ESR1: variants seen among roughly 807,000 people sequenced by gnomAD.
The protein encoded by ESR1 is estrogen receptor 1.
ESR1 carries 12 observed loss-of-function variants against 52.7 expected under a neutral mutation model. The observed-to-expected ratio is 0.23, with a 90% CI of 0.15 to 0.37. The LOEUF is 0.37. ESR1 is among the 10% of genes least tolerant of loss of function. ESR1 has a pLI of 1.00. For synonymous variants in ESR1, 305 were observed against 316.8 expected, an observed-to-expected ratio of 0.96 and a Z score of 0.39; for missense variants, 584 against 779.7, an observed-to-expected ratio of 0.75 and a Z score of 2.99.
At chr6:151,682,091 T>A (rs1778481988) in intron 1 of ESR1, among the ~76,000 whole-genome samples, 1 of 152,250 alleles carries the variant, frequency 6.6e-6, no homozygotes, top group Admixed American at 6.5e-5. Context: ...TGCTTTAGTA[T>A]TCAACCTTTT....
chr6:152,050,644 G>A (rs1368079044), intron 5 of ESR1, among the ~76,000 whole-genome samples: 1 of 152,184 alleles, frequency 6.6e-6, no homozygotes, highest in Non-Finnish European at 1.5e-5. Flanking sequence ...AAGGCCATTA[G>A]CTTTGCATGT....
At chr6:152,082,528 A>T (rs1408581520) in intron 6 of ESR1, among the ~76,000 whole-genome samples, 2 of 152,240 alleles carry the variant, frequency 1.3e-5, no homozygotes, top group African/African-American at 4.8e-5. Context: ...CAAAACCTGG[A>T]AGCATTCCTT....
chr6:151,943,905 A>G (rs930971722), intron 3 of ESR1, among the ~76,000 whole-genome samples: 2 of 152,174 alleles, frequency 1.3e-5, no homozygotes, highest in African/African-American at 4.8e-5. Flanking sequence ...GATGTCAGAC[A>G]AGTGGCCTGA....
rs374448990 is a variant in ESR1, at chr6:151,991,821, C to T, written c.1097-19835C>T. Among the ~76,000 whole-genome samples the T allele has an allele frequency of 2.0e-5, 3 of 152,156 alleles. No homozygotes were observed. In the East Asian group the frequency reaches 5.8e-4, roughly 29 times the overall value. On this transcript the variant is annotated intron_variant, in intron 4 of 7. Transcript: ENST00000206249. ...CCCCACACAAACCCTGAGCTTTCTT[C>T]CCCTCCAGGCTGCTCCATCAGTCAG...
At chr6:151,677,141 G>T (rs548806471) in intron 1 of ESR1, among the ~76,000 whole-genome samples, 2 of 152,296 alleles carry the variant, frequency 1.3e-5, no homozygotes, top group Non-Finnish European at 2.9e-5. Context: ...ACCAAGCTGA[G>T]CAAGAAGAAA....
intron 3 of ESR1, among the ~76,000 whole-genome samples, chr6:151,896,138 AG>A (rs986145407): frequency 2.7e-4 from 41 of 152,262 alleles, no homozygotes; most frequent in African/African-American, 9.6e-4. Flanking sequence ...ATTGGCCTGT[AG>A]GTTTCTTTTT....
At chr6:151,703,171 T>G (rs759580759) in intron 2 of ESR1, among the ~76,000 whole-genome samples, 10 of 152,162 alleles carry the variant, frequency 6.6e-5, no homozygotes, top group Non-Finnish European at 1.3e-4. Flanking sequence ...GGTGAAGTAT[T>G]TCAGGAAAAT....
intron 5 of ESR1, among the ~76,000 whole-genome samples, chr6:152,025,203 CG>C (rs899315106): frequency 3.9e-5 from 5 of 128,192 alleles, no homozygotes; most frequent in African/African-American, 1.4e-4. Context: ...GTCTTCATCA[CG>C]CTTTTTTTTT....
intron 3 of ESR1, among the ~76,000 whole-genome samples, chr6:151,938,721 G>A (rs1022670449): frequency 3.9e-5 from 6 of 152,174 alleles, no homozygotes; most frequent in African/African-American, 1.4e-4. Flanking sequence ...TCCTAGGGTG[G>A]ATTAGAATCA....
intron 2 of ESR1, among the ~76,000 whole-genome samples, chr6:151,784,127 C>G (rs1019319913): frequency 6.6e-5 from 10 of 152,166 alleles, no homozygotes; most frequent in Non-Finnish European, 1.3e-4. Context: ...TTCCTTACCC[C>G]CTTTCCACAC....
chr6:151,777,818 G>A (rs1786156933), intron 2 of ESR1, among the ~76,000 whole-genome samples: 1 of 151,956 alleles, frequency 6.6e-6, no homozygotes, highest in Admixed American at 6.6e-5. Context: ...AAATTAGCCG[G>A]GCACGGTGGT....
chr6:152,002,221 TGG>T (rs1554303854), intron 4 of ESR1, among the ~76,000 whole-genome samples: 16 of 148,562 alleles, frequency 1.1e-4, no homozygotes, highest in African/African-American at 3.0e-4. Flanking sequence ...TGTGTGTGTG[TGG>T]AATATCTCAC....
chr6:151,923,262 G>A lies in ESR1; in HGVS notation c.761-20911G>A, dbSNP rs138104490. 3.3e-3 allele frequency among the ~76,000 whole-genome samples: 499 copies of A among 152,100 alleles called. 2 individuals are homozygous for A. Among genetic ancestry groups the A allele is most frequent in the African/African-American group, 0.012 (477 of 41,448 alleles). On this transcript the variant is annotated intron_variant, in intron 3 of 7. Transcript: ENST00000206249. ...CATTTAAATTCTTTTGTAATATTGT[G>A]CATTCCATCCCAGTTTCCCCTGACA...
intron 2 of ESR1, among the ~76,000 whole-genome samples, chr6:151,718,871 A>T (rs1022829767): frequency 2.0e-5 from 3 of 151,898 alleles, no homozygotes; most frequent in African/African-American, 7.3e-5. Context: ...TCTTACCATG[A>T]CACTCCCCTC....
upstream of ESR1, chr6:151,807,673 G>C: frequency 1.7e-6 from 1 of 600,590 alleles, no homozygotes; most frequent in Non-Finnish European, 3.0e-6. Flanking sequence ...GGAGGCCCGG[G>C]AGCCCAGGAG....
intron 1 of ESR1, among the ~76,000 whole-genome samples, chr6:151,667,707 A>G (rs1427518912): frequency 2.6e-5 from 4 of 152,190 alleles, no homozygotes; most frequent in Non-Finnish European, 5.9e-5. Context: ...GTTTGCAGGG[A>G]GAGGAAGACA....
chr6:152,103,582 C>T (rs1382387994), downstream of ESR1, among the ~76,000 whole-genome samples: 2 of 152,184 alleles, frequency 1.3e-5, no homozygotes, highest in Non-Finnish European at 1.5e-5. Context: ...CTAATTCACA[C>T]GATGGTGGTG....
rs889910758 is a variant in ESR1, at chr6:151,769,270, T to C, written c.-70-38573T>C. ...TCAAACTCATTTATTAACAAAGGCTTATAATATTGAATAGCAGCTTCCAGG... is the reference window on the plus strand; with the variant it reads ...TCAAACTCATTTATTAACAAAGGCTCATAATATTGAATAGCAGCTTCCAGG... On this transcript the variant is annotated intron_variant, in intron 2 of 2. Coordinates refer to the ESR1 transcript ENST00000404742. Among the ~76,000 whole-genome samples the C allele has an allele frequency of 1.2e-4, 19 of 152,328 alleles. No individual in the cohort carries two copies. In the Middle Eastern group the frequency reaches 0.01, roughly 82 times the overall value.
chr6:151,823,344 G>A (rs1308327273), intron 1 of ESR1, among the ~76,000 whole-genome samples: 1 of 151,852 alleles, frequency 6.6e-6, no homozygotes, highest in Non-Finnish European at 1.5e-5. Context: ...TATAACAGAT[G>A]ACATAGGTTT....
Sources: allele counts gnomAD v4.1 joint callset (sites outside exome capture counted in the v4.1 genomes callset), GRCh38; gene constraint gnomAD v4.1.1; transcripts MANE v1.5; gene names NCBI Gene and HGNC (gene_info 2026-07-23, HGNC 2026-07-21).